Variants in VAV3 observed in about 807,000 individuals in gnomAD.
The protein encoded by VAV3 is vav guanine nucleotide exchange factor 3, also known as guanine nucleotide exchange factor VAV3.
In VAV3, 94 loss-of-function variants were observed where a neutral mutation model predicts 131.2. The observed-to-expected ratio is 0.72, with a 90% CI of 0.61 to 0.85. VAV3 has a LOEUF of 0.85. Among genes scored for constraint, VAV3 ranks in the 40% least tolerant of loss-of-function variants. The pLI is 0.00. For missense variants in VAV3, 939 were observed against 1,002.7 expected, an observed-to-expected ratio of 0.94 and a Z score of 0.86; for synonymous variants, 349 against 342.0, an observed-to-expected ratio of 1.02 and a Z score of -0.22.
chr1:107,720,431 A>AT (rs10670703), intron 15 of VAV3, among the ~76,000 whole-genome samples: 6 of 130,708 alleles, frequency 4.6e-5, no homozygotes, highest in South Asian at 2.6e-4. Flanking sequence ...AAATAAATAA[A>AT]AGTTCCATCT....
At chr1:107,619,515 G>A (rs1653411326) in intron 20 of VAV3, among the ~76,000 whole-genome samples, 1 of 152,110 alleles carries the variant, frequency 6.6e-6, no homozygotes, top group Admixed American at 6.5e-5. Context: ...ACACTACAAT[G>A]CTACCTGAGT....
chr1:107,587,638 T>A (rs1650606798), intron 25 of VAV3, among the ~76,000 whole-genome samples: 1 of 152,230 alleles, frequency 6.6e-6, no homozygotes, highest in Non-Finnish European at 1.5e-5. Flanking sequence ...TTGCCCATGC[T>A]GGAGTGCAGT....
At chr1:107,645,980 G>A (rs188419490) in intron 19 of VAV3, among the ~76,000 whole-genome samples, 9 of 152,086 alleles carry the variant, frequency 5.9e-5, no homozygotes, top group East Asian at 1.9e-4. Flanking sequence ...AAATCTCTAC[G>A]TAACTTCTCT....
In VAV3 at chr1:107,854,330, A is replaced by G. The variant is rs138179769; in HGVS notation, c.321+20571T>C. Among the ~76,000 whole-genome samples the G allele has an allele frequency of 1.5e-4, 23 of 152,104 alleles. No individual in the cohort carries two copies. The East Asian group carries it at 4.3e-3, about 28-fold the overall frequency. ...GCCTAAAAAAATAAAATAAAATAAA[A>G]TTATGCTAGGTTAACAGACATAAGC... On this transcript the variant is annotated intron_variant, in intron 2 of 26. Transcript: ENST00000370056.
At chr1:107,575,759 T>C (rs1212562388) in intron 25 of VAV3, among the ~76,000 whole-genome samples, 1 of 152,242 alleles carries the variant, frequency 6.6e-6, no homozygotes, top group Non-Finnish European at 1.5e-5. Flanking sequence ...CTAAGTTTTT[T>C]CTAGTTTTAA....
intron 20 of VAV3, among the ~76,000 whole-genome samples, chr1:107,639,839 T>C (rs1488936967): frequency 6.6e-6 from 1 of 151,160 alleles, no homozygotes; most frequent in South Asian, 2.1e-4. Context: ...GAGGCTGAGA[T>C]GGGAAGATGG....
chr1:107,802,461 G>A (rs2102305695), intron 2 of VAV3, among the ~76,000 whole-genome samples: 2 of 152,074 alleles, frequency 1.3e-5, no homozygotes, highest in East Asian at 3.9e-4. Flanking sequence ...CATTCAATAT[G>A]CTATTGACTA....
At chr1:107,596,127 T>C in intron 25 of VAV3, 85 bp downstream of exon 25, 2 of 1,533,840 alleles carry the variant, frequency 1.3e-6, no homozygotes, top group East Asian at 2.3e-5. Context: ...GGTTATATTT[T>C]AAAATTTGGA....
chr1:107,891,149 T>TAAAA (rs11441971), intron 1 of VAV3, among the ~76,000 whole-genome samples: 1 of 147,278 alleles, frequency 6.8e-6, no homozygotes, highest in Non-Finnish European at 1.5e-5. Flanking sequence ...TCCCTTTCTT[T>TAAAA]AAAAAAAAAA....
At chr1:107,931,201 G>A (rs1673422614) in intron 1 of VAV3, among the ~76,000 whole-genome samples, 2 of 152,116 alleles carry the variant, frequency 1.3e-5, no homozygotes, top group African/African-American at 4.8e-5. Flanking sequence ...ATTATAATAA[G>A]AAATTGCTCA....
intron 2 of VAV3, among the ~76,000 whole-genome samples, chr1:107,856,731 A>G (rs1254550268): frequency 1.3e-5 from 2 of 152,180 alleles, no homozygotes; most frequent in Non-Finnish European, 2.9e-5. Flanking sequence ...CTAATGATTC[A>G]TGCAATTTCT....
chr1:107,845,095 C>A lies in VAV3; in HGVS notation c.321+29806G>T, dbSNP rs564133509. Among the ~76,000 whole-genome samples, 100 of 152,324 alleles carry A rather than the reference C, an allele frequency of 6.6e-4. 1 individual carries two copies. Among genetic ancestry groups the A allele is most frequent in the Non-Finnish European group, 1.2e-3 (79 of 68,022 alleles). On this transcript the variant is annotated intron_variant, in intron 2 of 26. Transcript: ENST00000370056. ...TGGTGGGTGCCCCTCTGGGACGAAG[C>A]TTCCAGAGAAAGGAACAGGCAGCAA...
chr1:107,761,996 A>G (rs916249295), intron 9 of VAV3, among the ~76,000 whole-genome samples: 1 of 152,144 alleles, frequency 6.6e-6, no homozygotes. Context: ...GACTTTGAGT[A>G]AATTACTTTG....
intron 2 of VAV3, chr1:107,785,727 G>A: frequency 1.1e-6 from 1 of 949,598 alleles, no homozygotes; most frequent in Non-Finnish European, 1.3e-6. Flanking sequence ...AATTCAGACA[G>A]AAGCATAGTC....
intron 2 of VAV3, among the ~76,000 whole-genome samples, chr1:107,782,598 C>T (rs1334798601): frequency 1.3e-5 from 2 of 152,136 alleles, no homozygotes; most frequent in Non-Finnish European, 2.9e-5. Context: ...GCAGTGTATC[C>T]CAAAGTGAGT....
chr1:107,864,034 T>A (rs1269846290), intron 2 of VAV3, among the ~76,000 whole-genome samples: 1 of 152,146 alleles, frequency 6.6e-6, no homozygotes, highest in African/African-American at 2.4e-5. Context: ...ATACCCAGGT[T>A]TAAAAGCCTC....
intron 1 of VAV3, among the ~76,000 whole-genome samples, chr1:107,940,574 G>A (rs1020912367): frequency 6.6e-5 from 10 of 152,180 alleles, no homozygotes; most frequent in African/African-American, 2.4e-4. Flanking sequence ...ACTCGATTGG[G>A]AGACAAGTAT....
chr1:107,610,396 ATTAT>A (rs975411288), intron 21 of VAV3, among the ~76,000 whole-genome samples: 9 of 152,022 alleles, frequency 5.9e-5, no homozygotes, highest in Admixed American at 2.6e-4. Flanking sequence ...TTAATATTTT[ATTAT>A]TTATTATCAA....
At chr1:107,817,361 C>T (rs568587143) in intron 2 of VAV3, among the ~76,000 whole-genome samples, 1 of 152,016 alleles carries the variant, frequency 6.6e-6, no homozygotes, top group African/African-American at 2.4e-5. Context: ...GAGATGTGCA[C>T]AGCAGGTCTG....
Sources: gnomAD v4.1 joint callset for allele counts (sites outside exome capture counted in the v4.1 genomes callset) on GRCh38, gnomAD v4.1.1 for gene constraint, MANE v1.5 for transcripts, NCBI Gene and HGNC (gene_info 2026-07-23, HGNC 2026-07-21) for gene names.